The following SNTG2 variants were observed in gnomAD, a reference collection of about 807,000 sequenced individuals.
SNTG2 encodes the protein syntrophin gamma 2, also known as gamma-2-syntrophin.
SNTG2 carries 74 observed loss-of-function variants against 70.9 expected under a neutral mutation model. The ratio of observed to expected loss-of-function variants is 1.04; its 90% CI spans 0.86 to 1.27. The LOEUF (loss-of-function observed/expected upper bound fraction) is 1.27, where lower values mean the gene tolerates loss of function less well. Among genes scored for constraint, SNTG2 ranks in the 50% most tolerant of loss-of-function variants. The probability of loss-of-function intolerance (pLI) is 0.00; values close to 1 mark genes in which losing one functional copy is unlikely to be tolerated. For synonymous variants in SNTG2, 278 were observed against 273.8 expected (o/e 1.02, Z -0.15); for missense variants, 717 against 690.7 (o/e 1.04, Z -0.43).
intron 8 of SNTG2, among the ~76,000 whole-genome samples, chr2:1,202,529 G>T (rs1391464569): frequency 6.6e-6 from 1 of 151,920 alleles, no homozygotes; most frequent in Non-Finnish European, 1.5e-5. Flanking sequence ...AAATCCAGGG[G>T]AACAAAAAGA....
intron 16 of SNTG2, among the ~76,000 whole-genome samples, chr2:1,360,037 C>T (rs567901609): frequency 1.5e-5 from 2 of 132,500 alleles, no homozygotes; most frequent in East Asian, 4.9e-4. Context: ...TGAACAAATT[C>T]TATCCCATTT....
chr2:1,210,464 A>C (rs28415465), intron 9 of SNTG2: 27,782 of 152,182 alleles, frequency 0.18, 5,051 homozygotes, highest in African/African-American at 0.47. Flanking sequence ...TAGATTGTAA[A>C]GGAGCTGAAA....
At chr2:1,002,572 AATAGCT>A (rs750948198) in intron 1 of SNTG2, among the ~76,000 whole-genome samples, 3 of 152,152 alleles carry the variant, frequency 2.0e-5, no homozygotes, top group Non-Finnish European at 4.4e-5. Context: ...TACCAGTCAG[AATAGCT>A]ATTATTAAAA....
rs551232982 is a variant in SNTG2, at chr2:1,277,722, G to A, written c.1284+10151G>A. Among the ~76,000 whole-genome samples the A allele has an allele frequency of 3.4e-4, 52 of 152,304 alleles. 1 individual carries two copies. The highest frequency in any genetic ancestry group is 1.3e-3 in the African/African-American group (52 of 41,560). On this transcript the variant is annotated intron_variant, in intron 14 of 16. Coordinates refer to ENST00000308624, the MANE Select transcript of SNTG2 (RefSeq NM_018968.4). Reference sequence around the variant, plus strand: ...ATAGCAGGGAGTCAGGCTTTTCCACGTGATGCCAGGGAAGAGGCAGCTGGT... The same window carrying A: ...ATAGCAGGGAGTCAGGCTTTTCCACATGATGCCAGGGAAGAGGCAGCTGGT...
intron 1 of SNTG2, among the ~76,000 whole-genome samples, chr2:1,037,783 T>C (rs1177610480): frequency 6.6e-6 from 1 of 152,228 alleles, no homozygotes; most frequent in Non-Finnish European, 1.5e-5. Context: ...TTCTTCATTT[T>C]CTTTGATTGC....
rs555905544 is a variant in SNTG2, at chr2:1,152,403, G to A, written c.412-13145G>A. Among the ~76,000 whole-genome samples, 12 of 152,330 alleles carry A rather than the reference G, an allele frequency of 7.9e-5. No individual in the cohort carries two copies. In the East Asian group the frequency reaches 1.5e-3, roughly 20 times the overall value. ...TGTGAGGCCGTGTGCATGCTGGTGT[G>A]CATATACATGTGTACCTGTGTGTAC... On this transcript the variant is annotated intron_variant, in intron 6 of 16. Transcript: ENST00000308624.
intron 4 of SNTG2, among the ~76,000 whole-genome samples, chr2:1,120,267 A>G (rs141715124): frequency 3.5e-4 from 54 of 152,292 alleles, no homozygotes; most frequent in Admixed American, 2.4e-3. Flanking sequence ...GTTATTACTT[A>G]TCTATCAATA....
At chr2:1,142,292 C>T (rs1668807514) in intron 6 of SNTG2, among the ~76,000 whole-genome samples, 1 of 152,158 alleles carries the variant, frequency 6.6e-6, no homozygotes, top group Non-Finnish European at 1.5e-5. Flanking sequence ...AACCATCAGC[C>T]CTGCCACCCA....
At chr2:1,226,273 C>A (rs554643208) in intron 9 of SNTG2, among the ~76,000 whole-genome samples, 1 of 152,246 alleles carries the variant, frequency 6.6e-6, no homozygotes, top group African/African-American at 2.4e-5. Flanking sequence ...GGAAGAGGAC[C>A]TGGAGGACTG....
intron 6 of SNTG2, among the ~76,000 whole-genome samples, chr2:1,143,010 G>A (rs1335209816): frequency 6.6e-6 from 1 of 152,174 alleles, no homozygotes; most frequent in Admixed American, 6.5e-5. Flanking sequence ...AGGAAAGTCA[G>A]CATTGTCCTG....
At chr2:1,359,283 A>G (rs186745563) in intron 16 of SNTG2, among the ~76,000 whole-genome samples, 19 of 152,296 alleles carry the variant, frequency 1.2e-4, no homozygotes, top group Admixed American at 1.0e-3. Flanking sequence ...TTGAGGTGTC[A>G]TATCAGTGCT....
intron 14 of SNTG2, among the ~76,000 whole-genome samples, chr2:1,289,214 T>G (rs35874026): frequency 6.6e-6 from 1 of 152,018 alleles, no homozygotes; most frequent in Non-Finnish European, 1.5e-5. Flanking sequence ...ATGATGCCAA[T>G]CTTTACTTGT....
chr2:1,303,682 G>T (rs538779291), intron 14 of SNTG2, among the ~76,000 whole-genome samples: 129 of 152,140 alleles, frequency 8.5e-4, no homozygotes, highest in African/African-American at 3.0e-3. Context: ...TTTCTTTGAA[G>T]ATATCATTAA....
intron 9 of SNTG2, among the ~76,000 whole-genome samples, chr2:1,232,758 A>T (rs1224555255): frequency 6.6e-6 from 1 of 152,220 alleles, no homozygotes; most frequent in African/African-American, 2.4e-5. Context: ...TATACTACAG[A>T]GACAGTTTTA....
chr2:1,260,820 C>T (rs971873193), intron 13 of SNTG2, among the ~76,000 whole-genome samples: 3 of 150,344 alleles, frequency 2.0e-5, no homozygotes, highest in East Asian at 3.9e-4. Context: ...TTGTTTCCTT[C>T]GCATGGGCTC....
intron 16 of SNTG2, among the ~76,000 whole-genome samples, chr2:1,339,352 G>A (rs946166412): frequency 6.6e-6 from 1 of 152,144 alleles, no homozygotes; most frequent in South Asian, 2.1e-4. Flanking sequence ...TTCGATGCAC[G>A]AAAGTTTTTT....
intron 16 of SNTG2, among the ~76,000 whole-genome samples, chr2:1,356,802 G>A (rs768294000): frequency 7.9e-5 from 12 of 152,052 alleles, no homozygotes; most frequent in African/African-American, 1.9e-4. Context: ...ATTCATTAAC[G>A]TGGTTTTTTT....
intron 1 of SNTG2, among the ~76,000 whole-genome samples, chr2:1,003,223 G>A (rs377660590): frequency 2.6e-5 from 4 of 151,984 alleles, no homozygotes; most frequent in Admixed American, 1.3e-4. Context: ...AACTGCACAC[G>A]TACCCCCTAA....
intron 16 of SNTG2, among the ~76,000 whole-genome samples, chr2:1,331,574 G>A (rs765070432): frequency 6.6e-6 from 1 of 152,134 alleles, no homozygotes; most frequent in Non-Finnish European, 1.5e-5. Flanking sequence ...TGAAGTTTGT[G>A]GGTCTGAGAG....
Sources: gnomAD v4.1 joint callset for allele counts (sites outside exome capture counted in the v4.1 genomes callset) on GRCh38, gnomAD v4.1.1 for gene constraint, MANE v1.5 for transcripts, NCBI Gene and HGNC (gene_info 2026-07-23, HGNC 2026-07-21) for gene names.